Variants in BLMH observed in about 807,000 individuals in gnomAD.
The protein encoded by BLMH is bleomycin hydrolase.
BLMH carries 32 observed loss-of-function variants against 61.6 expected under a neutral mutation model. That is an observed-to-expected ratio of 0.52 (90% CI 0.39 to 0.70). The LOEUF (loss-of-function observed/expected upper bound fraction) is 0.70. Among genes scored for constraint, BLMH ranks in the 30% least tolerant of loss-of-function variants. BLMH has a pLI of 0.00. For missense variants in BLMH, 460 were observed against 555.5 expected (o/e 0.83, Z 1.73); for synonymous variants, 183 against 193.8 (o/e 0.94, Z 0.46).
At chr17:30,280,056 T>A (rs1400547863) in intron 6 of BLMH, among the ~76,000 whole-genome samples, 2 of 152,156 alleles carry the variant, frequency 1.3e-5, no homozygotes, top group Admixed American at 6.6e-5. Flanking sequence ...TTATAAATCT[T>A]AGAAGCGTGA....
Position 30,291,450 on chromosome 17 carries a change from G to C in BLMH, c.72C>G (p.Phe24Leu). The C allele has an allele frequency of 6.2e-7, 1 of 1,614,224 alleles. No homozygotes were observed. Among genetic ancestry groups the C allele is most frequent in the Non-Finnish European group, 8.5e-7 (1 of 1,180,044 alleles). The change falls in exon 2 of 12, where the codon TTC (phenylalanine) becomes TTG (leucine). Residue 24 changes from phenylalanine to leucine, a missense_variant. Physicochemically the swap from Phe to Leu is conservative, Grantham distance 22. Around this residue, in one of 5 missense-constraint regions of BLMH, gnomAD observed 86 missense variants for 84.5 expected, o/e 1.02. Coordinates refer to ENST00000261714, the MANE Select transcript of BLMH (RefSeq NM_000386.4). ...LIQKLNSDPQ[F>L]VLAQNVGTTH... ...TGGTCCCGACATTCTGGGCAAGTAC[G>C]AACTGGGGGTCGGAATTCAGTTTCT...
At position 30,291,943 on chromosome 17, in the gene BLMH, A is replaced by AG; in HGVS notation, c.-125dup. 1 of 1,133,990 alleles carries AG rather than the reference A, an allele frequency of 8.8e-7. No individual in the cohort carries two copies. Among genetic ancestry groups the AG allele is most frequent in the Non-Finnish European group, 1.1e-6 (1 of 880,318 alleles). The allele number at this position is 1,133,990 out of a possible 1,614,324, so 70.2% of individuals were successfully genotyped here. ...CTCTCGCACCCGGAGCGCCGGAAAA[A>AG]GGAAACCGGCTCGGCGGCGGCGGCG... On this transcript the variant is annotated 5_prime_UTR_variant, in exon 1 of 12. Coordinates refer to ENST00000261714, the MANE Select transcript of BLMH (RefSeq NM_000386.4).
chr17:30,277,209 C>T (rs112313090), intron 6 of BLMH, among the ~76,000 whole-genome samples: 12 of 152,294 alleles, frequency 7.9e-5, no homozygotes, highest in Admixed American at 2.0e-4. Context: ...TCTCTTTTAA[C>T]GTTATATCCT....
At chr17:30,287,196 G>GTT (rs1254608578) in intron 4 of BLMH, among the ~76,000 whole-genome samples, 1 of 152,020 alleles carries the variant, frequency 6.6e-6, no homozygotes, top group Non-Finnish European at 1.5e-5. Context: ...GCAGCTATTT[G>GTT]TTTTATTTTC....
intron 11 of BLMH, among the ~76,000 whole-genome samples, chr17:30,252,929 A>G (rs779079110): frequency 6.6e-6 from 1 of 152,190 alleles, no homozygotes; most frequent in Non-Finnish European, 1.5e-5. Context: ...TCTAGCAACA[A>G]AAGTTCTGTC....
chr17:30,273,434 T>C (rs1908333939), intron 7 of BLMH: 1 of 158,442 alleles, frequency 6.3e-6, no homozygotes, highest in Non-Finnish European at 1.4e-5. Context: ...CCCAGTGTGC[T>C]GGGATTACAG....
At chr17:30,288,060 T>A in intron 3 of BLMH, 113 bp from the exon 4 acceptor site, 1 of 1,122,576 alleles carries the variant, frequency 8.9e-7, no homozygotes, top group Non-Finnish European at 1.2e-6. Context: ...CATAATAGTT[T>A]TTTTTCTTTT....
intron 2 of BLMH, 58 bp downstream of exon 2, chr17:30,291,253 C>T (rs1284116869): frequency 6.4e-7 from 1 of 1,573,958 alleles, no homozygotes; most frequent in South Asian, 1.1e-5. Context: ...AATAAGACAC[C>T]AAAATGGGAC....
chr17:30,276,007 T>C (rs977387979), intron 6 of BLMH, among the ~76,000 whole-genome samples: 2 of 152,128 alleles, frequency 1.3e-5, no homozygotes, highest in African/African-American at 4.8e-5. Flanking sequence ...TCAAGGTATA[T>C]TTCCCTCCAC....
At chr17:30,282,241 T>G (rs1908612210) in intron 6 of BLMH, among the ~76,000 whole-genome samples, 1 of 143,098 alleles carries the variant, frequency 7.0e-6, no homozygotes, top group African/African-American at 2.7e-5. Flanking sequence ...TTTTTTTTTT[T>G]GAGACAGAGC....
At chr17:30,253,629 T>G (rs1326255634) in intron 11 of BLMH, among the ~76,000 whole-genome samples, 1 of 151,822 alleles carries the variant, frequency 6.6e-6, no homozygotes, top group Non-Finnish European at 1.5e-5. Flanking sequence ...AAGGTGCAGC[T>G]CCTAACCCTT....
intron 11 of BLMH, among the ~76,000 whole-genome samples, chr17:30,259,327 A>C (rs1907898374): frequency 6.6e-6 from 1 of 152,132 alleles, no homozygotes. Context: ...AGTTTCCAAA[A>C]ACTACCTTAA....
At chr17:30,269,039 C>CA (rs1367465739) in intron 10 of BLMH, among the ~76,000 whole-genome samples, 40 of 147,104 alleles carry the variant, frequency 2.7e-4, no homozygotes, top group Admixed American at 1.3e-3. Flanking sequence ...GACTCAGTCT[C>CA]AAAAAAAACA....
intron 11 of BLMH, among the ~76,000 whole-genome samples, chr17:30,250,751 G>C (rs1907647496): frequency 6.6e-6 from 1 of 152,146 alleles, no homozygotes; most frequent in African/African-American, 2.4e-5. Flanking sequence ...CAAAGGAAAA[G>C]AGGTCACTAA....
intron 6 of BLMH, among the ~76,000 whole-genome samples, chr17:30,277,031 A>G (rs1004973726): frequency 1.3e-5 from 2 of 152,218 alleles, no homozygotes; most frequent in Non-Finnish European, 2.9e-5. Flanking sequence ...TGTGTATATG[A>G]GCAATTTGTT....
intron 11 of BLMH, among the ~76,000 whole-genome samples, chr17:30,250,838 C>A (rs142943781): frequency 3.5e-4 from 54 of 152,250 alleles, no homozygotes; most frequent in African/African-American, 9.9e-4. Flanking sequence ...AACCTAAGTG[C>A]CCATCAACCA....
intron 11 of BLMH, among the ~76,000 whole-genome samples, chr17:30,260,880 TAAC>T (rs371906610): frequency 4.2e-4 from 64 of 151,704 alleles, no homozygotes; most frequent in East Asian, 5.8e-4. Flanking sequence ...CAAGACTCCA[TAAC>T]AACAACAACA....
intron 11 of BLMH, among the ~76,000 whole-genome samples, chr17:30,258,494 A>C (rs1597657550): frequency 6.6e-6 from 1 of 152,282 alleles, no homozygotes; most frequent in South Asian, 2.1e-4. Flanking sequence ...CAGGGTGGAA[A>C]ATGTGGTAGA....
intron 2 of BLMH, among the ~76,000 whole-genome samples, chr17:30,290,251 C>T (rs1420141400): frequency 6.6e-6 from 1 of 152,168 alleles, no homozygotes; most frequent in East Asian, 1.9e-4. Flanking sequence ...ATAAACTACA[C>T]AACTCACATG....
Sources: allele counts gnomAD v4.1 joint callset (sites outside exome capture counted in the v4.1 genomes callset), GRCh38; gene constraint gnomAD v4.1.1; regional missense constraint gnomAD v4.1.1; transcripts MANE v1.5; gene names NCBI Gene and HGNC (gene_info 2026-07-23, HGNC 2026-07-21).